RPS6KC1: variants seen among roughly 807,000 people sequenced by gnomAD.
The protein encoded by RPS6KC1 is inactive ribosomal protein S6 kinase delta-1.
In RPS6KC1, 54 loss-of-function variants were observed where a neutral mutation model predicts 103.8. The observed-to-expected ratio is 0.52, with a 90% CI of 0.42 to 0.65. The LOEUF is 0.65. Among genes scored for constraint, RPS6KC1 ranks in the 30% least tolerant of loss-of-function variants. RPS6KC1 has a pLI of 0.00. For missense variants in RPS6KC1, 1,151 were observed against 1,253.8 expected (o/e 0.92, Z 1.24); for synonymous variants, 439 against 438.7 (o/e 1.00, Z -0.01).
chr1:213,383,226 C>G, the RPS6KC1 span, among the ~76,000 whole-genome samples: 1 of 152,148 alleles, frequency 6.6e-6, no homozygotes, highest in Admixed American at 6.5e-5. Context: ...GGTTCACTGT[C>G]GATGGAATGT....
the RPS6KC1 span, among the ~76,000 whole-genome samples, chr1:213,779,311 T>C: frequency 6.6e-6 from 1 of 152,222 alleles, no homozygotes; most frequent in African/African-American, 2.4e-5. Context: ...AAAGGGCCCC[T>C]TAAATCTTTA....
chr1:213,551,367 G>A, the RPS6KC1 span, among the ~76,000 whole-genome samples: 4 of 152,138 alleles, frequency 2.6e-5, no homozygotes, highest in Admixed American at 2.6e-4. Flanking sequence ...AGTGCACCAG[G>A]AAGTAAAGGA....
At chr1:213,202,045 TGCTCTCA>T (rs1351348987) in intron 8 of RPS6KC1, among the ~76,000 whole-genome samples, 2 of 152,170 alleles carry the variant, frequency 1.3e-5, no homozygotes, top group African/African-American at 4.8e-5. Flanking sequence ...AATTATTTAA[TGCTCTCA>T]GACAGTTTGC....
At chr1:213,794,901 G>C in the RPS6KC1 span, among the ~76,000 whole-genome samples, 1 of 152,064 alleles carries the variant, frequency 6.6e-6, no homozygotes, top group Non-Finnish European at 1.5e-5. Context: ...GTTGATTTAG[G>C]CCTCCCAAAT....
chr1:213,556,323 CT>C, the RPS6KC1 span, among the ~76,000 whole-genome samples: 2 of 152,078 alleles, frequency 1.3e-5, no homozygotes, highest in Non-Finnish European at 2.9e-5. Context: ...TTTATTTTTA[CT>C]TTTTTAAACC....
At chr1:213,718,210 C>T in the RPS6KC1 span, among the ~76,000 whole-genome samples, 1 of 152,216 alleles carries the variant, frequency 6.6e-6, no homozygotes, top group Admixed American at 6.5e-5. Context: ...TTTGGAAACC[C>T]TTTGTTGCAC....
At chr1:213,731,198 G>A in the RPS6KC1 span, among the ~76,000 whole-genome samples, 1 of 152,134 alleles carries the variant, frequency 6.6e-6, no homozygotes, top group Non-Finnish European at 1.5e-5. Context: ...TTCCAGCTTT[G>A]CTCTTTTTGC....
chr1:213,070,826 A>T (rs2078798354), intron 1 of RPS6KC1, among the ~76,000 whole-genome samples, 180 bp from the exon 2 acceptor site: 1 of 152,230 alleles, frequency 6.6e-6, no homozygotes, highest in African/African-American at 2.4e-5. Flanking sequence ...AACTTGATTT[A>T]ACAGTATGAA....
the RPS6KC1 span, among the ~76,000 whole-genome samples, chr1:213,559,131 G>A: frequency 6.6e-6 from 1 of 152,344 alleles, no homozygotes; most frequent in South Asian, 2.1e-4. Context: ...TCACAGGGAA[G>A]TTGGATGCCC....
chr1:213,475,132 T>C, the RPS6KC1 span, among the ~76,000 whole-genome samples: 1 of 152,230 alleles, frequency 6.6e-6, no homozygotes, highest in East Asian at 1.9e-4. Context: ...GGACATGTAC[T>C]TTGGGGAAGC....
At chr1:213,393,335 T>A in the RPS6KC1 span, among the ~76,000 whole-genome samples, 1 of 152,240 alleles carries the variant, frequency 6.6e-6, no homozygotes, top group Non-Finnish European at 1.5e-5. Context: ...GTGCTGCCAT[T>A]CCACCAAGAA....
the RPS6KC1 span, among the ~76,000 whole-genome samples, chr1:213,349,869 C>T: frequency 1.3e-5 from 2 of 152,178 alleles, no homozygotes; most frequent in Non-Finnish European, 2.9e-5. Context: ...GAATTATTAA[C>T]ATTTCTGTTC....
At chr1:213,486,921 A>G in the RPS6KC1 span, among the ~76,000 whole-genome samples, 1 of 152,182 alleles carries the variant, frequency 6.6e-6, no homozygotes, top group African/African-American at 2.4e-5. Context: ...AATTATATAG[A>G]ACTGTTGGAA....
intron 6 of RPS6KC1, among the ~76,000 whole-genome samples, chr1:213,167,053 G>C (rs2091025592): frequency 6.6e-6 from 1 of 152,180 alleles, no homozygotes; most frequent in Non-Finnish European, 1.5e-5. Flanking sequence ...AGACAGTCCA[G>C]TTTGTGTTGT....
chr1:213,622,784 G>A, the RPS6KC1 span, among the ~76,000 whole-genome samples: 1 of 152,112 alleles, frequency 6.6e-6, no homozygotes, highest in Non-Finnish European at 1.5e-5. Flanking sequence ...TGAACCTGCT[G>A]TGGCTTGCTT....
intron 1 of RPS6KC1, among the ~76,000 whole-genome samples, chr1:213,062,619 C>T (rs1044382348): frequency 4.0e-5 from 6 of 151,086 alleles, no homozygotes; most frequent in African/African-American, 7.3e-5. Context: ...TACAGTGGTG[C>T]GATCTTGGCT....
chr1:213,124,063 T>C (rs2084700415), intron 5 of RPS6KC1, among the ~76,000 whole-genome samples: 1 of 152,054 alleles, frequency 6.6e-6, no homozygotes, highest in Non-Finnish European at 1.5e-5. Context: ...GAGGTAAGGG[T>C]AGGTAGGTGA....
chr1:213,281,834 A>G, the RPS6KC1 span, among the ~76,000 whole-genome samples: 2 of 152,170 alleles, frequency 1.3e-5, no homozygotes, highest in African/African-American at 2.4e-5. Context: ...TGGGTTTAGA[A>G]TGCTCCCGTC....
chr1:213,447,134 C>T, the RPS6KC1 span, among the ~76,000 whole-genome samples: 6 of 151,668 alleles, frequency 4.0e-5, no homozygotes, highest in African/African-American at 1.2e-4. Flanking sequence ...GTAGCACAAT[C>T]ACAGCTCACT....
Sources: gnomAD v4.1 joint callset for allele counts (sites outside exome capture counted in the v4.1 genomes callset) on GRCh38, gnomAD v4.1.1 for gene constraint, MANE v1.5 for transcripts, NCBI Gene and HGNC (gene_info 2026-07-23, HGNC 2026-07-21) for gene names.